The following UGT1A10 variants were observed in gnomAD, a reference collection of about 807,000 sequenced individuals.
UGT1A10 encodes UDP-glucuronosyltransferase 1A10.
UGT1A10 carries 49 observed loss-of-function variants against 45.8 expected under a neutral mutation model. The observed-to-expected ratio is 1.07, with a 90% CI of 0.85 to 1.36. UGT1A10 has a LOEUF of 1.36. Ranked by LOEUF, UGT1A10 falls within the 40% of genes most tolerant of loss-of-function variation. The pLI is 0.00. For synonymous variants in UGT1A10, 284 were observed against 249.7 expected, an observed-to-expected ratio of 1.14 and a Z score of -1.29; for missense variants, 745 against 668.6, an observed-to-expected ratio of 1.11 and a Z score of -1.26.
At chr2:233,770,387 C>CT (rs1226328342) in intron 4 of UGT1A10, 1 of 152,208 alleles carries the variant, frequency 6.6e-6, no homozygotes, top group Non-Finnish European at 1.5e-5. Flanking sequence ...GGTACGGTGG[C>CT]TCATGCCTGT....
At chr2:233,762,024 A>AT (rs967311965) in intron 1 of UGT1A10, among the ~76,000 whole-genome samples, 3 of 151,856 alleles carry the variant, frequency 2.0e-5, no homozygotes, top group African/African-American at 4.8e-5. Context: ...TTTGTATTTT[A>AT]TTTTTTTTAA....
At chr2:233,680,354 A>G (rs966045404) in intron 1 of UGT1A10, among the ~76,000 whole-genome samples, 1 of 152,212 alleles carries the variant, frequency 6.6e-6, no homozygotes, top group African/African-American at 2.4e-5. Context: ...GTCATATCAC[A>G]TGCATTTAGG....
rs141853649 is a variant in UGT1A10 at position 233,739,471 on chromosome 2, G to A, written c.856-27563G>A. ...CACAGGGTTGGAGCTGCCTGAGACCGTGGGAGCCCATTTCTGGCATCACCT... is the reference window on the plus strand; with the variant it reads ...CACAGGGTTGGAGCTGCCTGAGACCATGGGAGCCCATTTCTGGCATCACCT... On this transcript the variant is annotated intron_variant, in intron 1 of 4. Transcript: ENST00000344644. Among the ~76,000 whole-genome samples the A allele has an allele frequency of 2.4e-3, 366 of 152,340 alleles. 1 individual carries two copies. Among genetic ancestry groups the A allele is most frequent in the African/African-American group, 7.9e-3 (330 of 41,576 alleles).
At chr2:233,760,269 T>C (rs1697378310) in intron 1 of UGT1A10, 1 of 1,612,212 alleles carries the variant, frequency 6.2e-7, no homozygotes, top group Admixed American at 1.7e-5. Flanking sequence ...GGCGAACCTC[T>C]GGCAGGAGCA....
chr2:233,698,956 C>T (rs1307607547), intron 1 of UGT1A10, among the ~76,000 whole-genome samples: 1 of 152,204 alleles, frequency 6.6e-6, no homozygotes, highest in Non-Finnish European at 1.5e-5. Context: ...TCCAAGCTGG[C>T]CCTTGGGGAA....
chr2:233,732,704 T>C (rs2078302376), intron 1 of UGT1A10, among the ~76,000 whole-genome samples: 1 of 152,126 alleles, frequency 6.6e-6, no homozygotes. Flanking sequence ...GTTTTGTTAC[T>C]GTAGCCTTGT....
chr2:233,700,404 A>C (rs1297317777), intron 1 of UGT1A10, among the ~76,000 whole-genome samples: 1 of 152,178 alleles, frequency 6.6e-6, no homozygotes, highest in African/African-American at 2.4e-5. Context: ...TTTTGGCAGC[A>C]GTGTTTCTGT....
chr2:233,716,488 C>A (rs371843932), intron 1 of UGT1A10, among the ~76,000 whole-genome samples: 1 of 152,184 alleles, frequency 6.6e-6, no homozygotes, highest in Non-Finnish European at 1.5e-5. Context: ...CCGTAGTCTT[C>A]TATTCTCCAG....
At chr2:233,764,025 G>T (rs1387179659) in intron 1 of UGT1A10, among the ~76,000 whole-genome samples, 1 of 152,188 alleles carries the variant, frequency 6.6e-6, no homozygotes, top group Non-Finnish European at 1.5e-5. Flanking sequence ...TGGTGTCTAA[G>T]TGCTAAAGAA....
intron 1 of UGT1A10, chr2:233,718,791 G>C: frequency 6.2e-7 from 1 of 1,613,144 alleles, no homozygotes; most frequent in Non-Finnish European, 8.5e-7. Context: ...GCGTGGGGTG[G>C]ACAGTCAGCT....
At chr2:233,674,447 C>T (rs895905292) in intron 1 of UGT1A10, among the ~76,000 whole-genome samples, 11 of 152,136 alleles carry the variant, frequency 7.2e-5, no homozygotes, top group African/African-American at 2.7e-4. Context: ...GTGTTGCCTG[C>T]ACCCCACAAC....
intron 1 of UGT1A10, among the ~76,000 whole-genome samples, chr2:233,665,682 G>GGA (rs1163791647): frequency 1.3e-5 from 2 of 152,174 alleles, no homozygotes; most frequent in Non-Finnish European, 2.9e-5. Context: ...GCTGACCCAG[G>GGA]GAGGTGCACT....
intron 1 of UGT1A10, chr2:233,691,054 G>T: frequency 4.1e-6 from 4 of 987,462 alleles, no homozygotes; most frequent in Non-Finnish European, 4.8e-6. Flanking sequence ...GCAGAGTGGA[G>T]GTCTAGTATA....
chr2:233,755,378 C>T (rs2125935029), intron 1 of UGT1A10: 1 of 351,540 alleles, frequency 2.8e-6, no homozygotes, highest in South Asian at 2.3e-5. Context: ...GAGGGCCGCC[C>T]CTTATGACGC....
chr2:233,640,954 A>T (rs1199608435), intron 1 of UGT1A10, among the ~76,000 whole-genome samples: 2 of 152,202 alleles, frequency 1.3e-5, no homozygotes, highest in Non-Finnish European at 2.9e-5. Flanking sequence ...CCCTTTCTTC[A>T]TGGTCTAGGA....
intron 3 of UGT1A10, 59 bp from the exon 4 acceptor site, chr2:233,768,161 T>G: frequency 1.2e-6 from 2 of 1,613,420 alleles, no homozygotes; most frequent in East Asian, 2.2e-5. Flanking sequence ...AACCTAGATG[T>G]GTCCAGCTGT....
intron 1 of UGT1A10, among the ~76,000 whole-genome samples, chr2:233,703,320 AT>A (rs36043462): frequency 0.15 from 22,518 of 151,968 alleles, 1,958 homozygotes; most frequent in South Asian, 0.24. Context: ...ATTTTTAGCA[AT>A]TTTGAGTCTT....
chr2:233,691,973 A>G (rs940295780), intron 1 of UGT1A10: 1 of 152,272 alleles, frequency 6.6e-6, no homozygotes, highest in Admixed American at 6.5e-5. Flanking sequence ...ATCCCTTTCG[A>G]TCACACCTAA....
At chr2:233,659,146 T>G (rs926804143) in intron 1 of UGT1A10, among the ~76,000 whole-genome samples, 1 of 152,224 alleles carries the variant, frequency 6.6e-6, no homozygotes, top group African/African-American at 2.4e-5. Context: ...TTTGATCAGA[T>G]TTATCCCTAA....
Sources: gnomAD v4.1 joint callset for allele counts (sites outside exome capture counted in the v4.1 genomes callset) on GRCh38, gnomAD v4.1.1 for gene constraint, MANE v1.5 for transcripts, NCBI Gene and HGNC (gene_info 2026-07-23, HGNC 2026-07-21) for gene names.